Variants in NFKBIB observed in about 807,000 individuals in gnomAD.
The protein encoded by NFKBIB is NFKB inhibitor beta.
In NFKBIB, 16 loss-of-function variants were observed where a neutral mutation model predicts 32.1. The observed-to-expected ratio is 0.50, with a 90% CI of 0.34 to 0.76. NFKBIB has a LOEUF of 0.76. Among genes scored for constraint, NFKBIB ranks in the 30% least tolerant of loss-of-function variants. The pLI is 0.01. For synonymous variants in NFKBIB, 222 were observed against 219.5 expected, an observed-to-expected ratio of 1.01 and a Z score of -0.10; for missense variants, 437 against 514.9, an observed-to-expected ratio of 0.85 and a Z score of 1.46.
chr19:38,903,503 G>T (rs781601383), intron 1 of NFKBIB, among the ~76,000 whole-genome samples: 4 of 151,940 alleles, frequency 2.6e-5, no homozygotes, highest in Non-Finnish European at 4.4e-5. Flanking sequence ...GGCCAGGTTG[G>T]TCTCAAACTC....
chr19:38,901,841 A>G (rs1600142433), intron 1 of NFKBIB, among the ~76,000 whole-genome samples: 1 of 152,064 alleles, frequency 6.6e-6, no homozygotes, highest in East Asian at 1.9e-4. Flanking sequence ...TTGGCCTCCC[A>G]AAGTGCTGGG....
rs17886215 is a variant in NFKBIB at position 38,908,776 on chromosome 19, C to G, written c.1015C>G (p.Arg339Gly). ...GGTTCACAGCAGCCGCAGCCAAACC[C>G]GGCTGCCTCCCACCCCAGCCTCAAA... ...IVVHSSRSQT[R>G]LPPTPASKPL... The change falls in exon 6 of 6, where the codon CGG becomes GGG. Residue 339 changes from arginine to glycine, a missense_variant. By Grantham distance (125) the Arg-to-Gly change is moderately radical (BLOSUM62 -2). Coordinates refer to ENST00000313582, the MANE Select transcript of NFKBIB (RefSeq NM_002503.5). 44 of 1,613,778 alleles carry G rather than the reference C, an allele frequency of 2.7e-5. 1 individual carries two copies. In the South Asian group the frequency reaches 4.8e-4, roughly 18 times the overall value.
At chr19:38,904,479 C>CTCTT (rs17880452) in intron 1 of NFKBIB, among the ~76,000 whole-genome samples, 93,671 of 151,642 alleles carry the variant, frequency 0.62, 29,616 homozygotes, top group East Asian at 0.96. Context: ...TTTGGCAACT[C>CTCTT]TGTTTTGTAC....
intron 1 of NFKBIB, among the ~76,000 whole-genome samples, chr19:38,903,988 T>A (rs1363140779): frequency 6.6e-6 from 1 of 152,054 alleles, no homozygotes; most frequent in Non-Finnish European, 1.5e-5. Flanking sequence ...AAGAATCGCT[T>A]GAACCCAGGA....
Position 38,905,706 on chromosome 19 carries a change from TTGGATA to T in NFKBIB, c.619+174_619+179del, listed in dbSNP as rs1974098605. Among the ~76,000 whole-genome samples the T allele has an allele frequency of 1.3e-5, 2 of 152,018 alleles. No individual in the cohort carries two copies. The highest frequency in any genetic ancestry group is 2.9e-5 in the Non-Finnish European group (2 of 67,988). On this transcript the variant is annotated intron_variant, in intron 3 of 5. Transcript: ENST00000313582. The surrounding 1 kb of genome is among the most constrained non-coding windows in gnomAD (Gnocchi z 5.5). ...CACTCAGGGCCCAGATGATTGAGAA[TTGGATA>T]TGTAGGACCCAGGACCCCCACCTGG...
At chr19:38,906,556 G>A (rs1212147750) in intron 3 of NFKBIB, among the ~76,000 whole-genome samples, 32 of 137,002 alleles carry the variant, frequency 2.3e-4, no homozygotes, top group Non-Finnish European at 2.6e-4. Flanking sequence ...TGCAAGCTCC[G>A]CCTCCTGGGT....
At chr19:38,899,951 C>T, upstream of NFKBIB, 1 of 1,380,068 alleles carries the variant, frequency 7.2e-7, no homozygotes, top group Admixed American at 2.9e-5. Flanking sequence ...GGGAATTTCC[C>T]GCAGGGCGGA....
rs753549272 is a variant in NFKBIB, at chr19:38,907,226, A to T, written c.625A>T (p.Thr209Ser). ...QLEAENYEGH[T>S]PLHVAVIHKD... ...GCCAATCACTCTGTCCCCAGGCCAC[A>T]CCCCACTCCACGTGGCCGTTATCCA... Residue 209 changes from threonine (T) to serine (S), a missense_variant, in exon 4 of 6, where the codon ACC becomes TCC. By Grantham distance (58) the Thr-to-Ser change is moderately conservative. Coordinates refer to ENST00000313582, the MANE Select transcript of NFKBIB (RefSeq NM_002503.5). The T allele has an allele frequency of 6.2e-6, 10 of 1,611,278 alleles. No homozygotes were observed. In the South Asian group the frequency reaches 9.9e-5, roughly 16 times the overall value.
chr19:38,906,646 T>G (rs1974132543), intron 3 of NFKBIB, among the ~76,000 whole-genome samples: 1 of 151,600 alleles, frequency 6.6e-6, no homozygotes, highest in Non-Finnish European at 1.5e-5. Context: ...ATTTTTTGTA[T>G]TTTTAGTAGA....
intron 5 of NFKBIB, chr19:38,908,133 G>C (rs1974205096): frequency 1.0e-6 from 1 of 1,000,916 alleles, no homozygotes. Flanking sequence ...GCTGGATGAT[G>C]GGTGCGGAGG....
At chr19:38,907,953 T>C in intron 5 of NFKBIB, 2 of 1,235,418 alleles carry the variant, frequency 1.6e-6, no homozygotes, top group Non-Finnish European at 1.0e-6. Flanking sequence ...GTGGTAGCGC[T>C]GGGGGTGATT....
chr19:38,908,559 GAA>G, intron 5 of NFKBIB, 170 bp from the exon 6 acceptor site: 2 of 1,093,042 alleles, frequency 1.8e-6, no homozygotes, highest in Non-Finnish European at 2.3e-6. Flanking sequence ...AAAAAAAAAA[GAA>G]AGAAAAGAAA....
intron 1 of NFKBIB, among the ~76,000 whole-genome samples, chr19:38,902,358 C>G (rs915798385): frequency 6.6e-6 from 1 of 152,046 alleles, no homozygotes; most frequent in African/African-American, 2.4e-5. Flanking sequence ...GCGTGAGCCA[C>G]CGCGCCCGGC....
In NFKBIB at chr19:38,907,285, T is replaced by C; in HGVS notation, c.684T>C (p.Asp228=). 6.2e-7 allele frequency: 1 copy of C among 1,613,540 alleles called. No individual in the cohort carries two copies. The highest frequency in any genetic ancestry group is 8.5e-7 in the Non-Finnish European group (1 of 1,179,706). The part of the protein sequence containing the change: ...KDVEMVRLLR[D]AGADLDKPEP... ...TGGAGATGGTCCGGCTGCTCCGAGA[T>C]GCTGGAGCTGACCTTGACAAACCGG... Residue 228 remains aspartate (D), a synonymous_variant, in exon 4 of 6, where the codon GAT becomes GAC. Coordinates refer to ENST00000313582, the MANE Select transcript of NFKBIB (RefSeq NM_002503.5).
chr19:38,905,668 G>T lies in NFKBIB; in HGVS notation c.619+133G>T. 1 of 675,538 alleles carries T rather than the reference G, an allele frequency of 1.5e-6. No homozygotes were observed. The allele number at this position is 675,538 out of a possible 1,614,324, so 41.8% of individuals were successfully genotyped here. ...TAGGCTTCAGGAGCCCACACATCGG[G>T]ACCAGGGACCTCCACTCAGGGCCCA... On this transcript the variant is annotated intron_variant, in intron 3 of 5. Coordinates refer to ENST00000313582, the MANE Select transcript of NFKBIB (RefSeq NM_002503.5). This position sits in a 1 kb window ranked among gnomAD's most constrained non-coding sequence, Gnocchi z 5.5.
At chr19:38,901,146 C>A (rs999407387) in intron 1 of NFKBIB, among the ~76,000 whole-genome samples, 6 of 152,188 alleles carry the variant, frequency 3.9e-5, no homozygotes, top group African/African-American at 1.4e-4. Context: ...GTGTTTACTG[C>A]TGTATGCCCA....
chr19:38,907,262 G>C lies in NFKBIB; in HGVS notation c.661G>C (p.Glu221Gln). 6.2e-7 allele frequency: 1 copy of C among 1,613,684 alleles called. No homozygotes were observed. The change falls in exon 4 of 6, where the codon GAG becomes CAG. Residue 221 changes from glutamate (E) to glutamine (Q), a missense_variant. Glu to Gln is a conservative substitution (Grantham distance 29, BLOSUM62 2). Coordinates refer to ENST00000313582, the MANE Select transcript of NFKBIB (RefSeq NM_002503.5). ...CGTGGCCGTTATCCACAAAGATGTG[G>C]AGATGGTCCGGCTGCTCCGAGATGC... ...LHVAVIHKDV[E>Q]MVRLLRDAGA... is the part of the protein sequence containing the mutation.
At chr19:38,900,299 C>T in intron 1 of NFKBIB, 88 bp downstream of exon 1, 1 of 1,374,546 alleles carries the variant, frequency 7.3e-7, no homozygotes, top group Non-Finnish European at 9.6e-7. Context: ...TTCCTAACCT[C>T]ATACTCCTAA....
In NFKBIB at chr19:38,907,425, T is replaced by A. The variant is rs765652605; in HGVS notation, c.735T>A (p.Leu245=). Residue 245 remains leucine (L), a synonymous_variant, in exon 5 of 6, where the codon CTT becomes CTA. Transcript: ENST00000313582. ...KPEPTCGRSP[L]HLAVEAQAAD... is the part of the protein sequence containing the mutation. ...AGCCCACGTGCGGCCGGAGCCCCCTTCATTTGGCAGTGGAGGCCCAGGCAG... is the reference window on the plus strand; with the variant it reads ...AGCCCACGTGCGGCCGGAGCCCCCTACATTTGGCAGTGGAGGCCCAGGCAG... 9 of 1,595,946 alleles carry A rather than the reference T, an allele frequency of 5.6e-6. No individual in the cohort carries two copies. Among genetic ancestry groups the A allele is most frequent in the Non-Finnish European group, 7.7e-6 (9 of 1,167,042 alleles).
Sources: allele counts gnomAD v4.1 joint callset (sites outside exome capture counted in the v4.1 genomes callset), GRCh38; gene constraint gnomAD v4.1.1; non-coding constraint Gnocchi (gnomAD v3.1); transcripts MANE v1.5; gene names NCBI Gene and HGNC (gene_info 2026-07-23, HGNC 2026-07-21).